Variants in GUCY1A2 observed in about 807,000 individuals in gnomAD.
The protein encoded by GUCY1A2 is guanylate cyclase soluble subunit alpha-2.
In GUCY1A2, 27 loss-of-function variants were observed where a neutral mutation model predicts 63.5. That is an observed-to-expected ratio of 0.43 (90% CI 0.31 to 0.59). The LOEUF (loss-of-function observed/expected upper bound fraction) is 0.59. Ranked by LOEUF, GUCY1A2 falls within the 20% of genes least tolerant of loss-of-function variation. The pLI is 0.11. For missense variants in GUCY1A2, 768 were observed against 913.3 expected, an observed-to-expected ratio of 0.84 and a Z score of 2.05; for synonymous variants, 364 against 343.5, an observed-to-expected ratio of 1.06 and a Z score of -0.66.
In GUCY1A2 at chr11:106,932,676, CA is replaced by C. The variant is rs1591332733; in HGVS notation, c.1206+6783del. ...CCCAAATAACCAAAGCAATCCTAAG[CA>C]AAAAGAACAAAGCCAGAGGCATCAC... On this transcript the variant is annotated intron_variant, in intron 4 of 7. Coordinates refer to ENST00000526355, the MANE Select transcript of GUCY1A2 (RefSeq NM_000855.3). Among the ~76,000 whole-genome samples, 6 of 152,160 alleles carry C rather than the reference CA, an allele frequency of 3.9e-5. No homozygotes were observed. The East Asian group carries it at 1.2e-3, about 29-fold the overall frequency.
chr11:106,787,427 G>A (rs1284335471), intron 5 of GUCY1A2, among the ~76,000 whole-genome samples: 2 of 92,428 alleles, frequency 2.2e-5, no homozygotes, highest in Non-Finnish European at 4.6e-5. Context: ...TTTTTTTTTT[G>A]CTTGAAAACT....
chr11:107,013,803 C>G (rs2120217945), intron 1 of GUCY1A2, among the ~76,000 whole-genome samples: 1 of 152,258 alleles, frequency 6.6e-6, no homozygotes, highest in South Asian at 2.1e-4. Flanking sequence ...AAAACTTCCC[C>G]TAGATTTCGC....
chr11:106,800,151 T>C (rs1041430974), intron 5 of GUCY1A2, among the ~76,000 whole-genome samples: 2 of 152,226 alleles, frequency 1.3e-5, no homozygotes, highest in East Asian at 1.9e-4. Flanking sequence ...TTATCATCAC[T>C]GGCCATCAGA....
intron 6 of GUCY1A2, among the ~76,000 whole-genome samples, chr11:106,767,867 CTTAAAACAAAT>C (rs1438086633): frequency 6.6e-6 from 1 of 152,024 alleles, no homozygotes; most frequent in African/African-American, 2.4e-5. Flanking sequence ...TAATTCTATG[CTTAAAACAAAT>C]GTGCTCAATA....
chr11:106,948,036 G>T (rs902012347), intron 3 of GUCY1A2, among the ~76,000 whole-genome samples: 3 of 152,094 alleles, frequency 2.0e-5, no homozygotes, highest in Non-Finnish European at 2.9e-5. Flanking sequence ...CATGCAACTT[G>T]CTGTGAACAA....
intron 4 of GUCY1A2, among the ~76,000 whole-genome samples, chr11:106,853,462 T>A (rs2135452062): frequency 6.6e-6 from 1 of 152,202 alleles, no homozygotes; most frequent in Non-Finnish European, 1.5e-5. Flanking sequence ...ATTGTATTTT[T>A]AAAAATTCAT....
intron 1 of GUCY1A2, among the ~76,000 whole-genome samples, chr11:107,007,549 A>G (rs12269842): frequency 0.056 from 8,474 of 152,192 alleles, 707 homozygotes; most frequent in African/African-American, 0.19. Context: ...ATTGCTTTAT[A>G]CCTCTGCATG....
chr11:106,704,348 C>T (rs1410504603), intron 7 of GUCY1A2, among the ~76,000 whole-genome samples: 1 of 152,140 alleles, frequency 6.6e-6, no homozygotes, highest in East Asian at 1.9e-4. Context: ...AACATGTACC[C>T]ATTTTAGAGA....
Position 106,685,616 on chromosome 11 carries a change from T to A in GUCY1A2, c.*1933A>T. ...TTGTTCCCTCCCCATGCTCCAGTGC[T>A]ACAAGGAGCCCATCAACATTGCTAA... On this transcript the variant is annotated 3_prime_UTR_variant, in exon 8 of 8. Coordinates refer to ENST00000526355, the MANE Select transcript of GUCY1A2 (RefSeq NM_000855.3). The A allele has an allele frequency of 4.4e-6, 1 of 228,276 alleles. No homozygotes were observed. Among genetic ancestry groups the A allele is most frequent in the East Asian group, 6.2e-5 (1 of 16,032 alleles). 14.1% of individuals were successfully genotyped at this position (228,276 alleles called of 1,614,324 possible).
At chr11:106,945,998 C>T (rs1029687187) in intron 3 of GUCY1A2, among the ~76,000 whole-genome samples, 13 of 151,982 alleles carry the variant, frequency 8.6e-5, no homozygotes, top group African/African-American at 2.4e-4. Context: ...AAAAAAGCTA[C>T]TGATACATAG....
intron 4 of GUCY1A2, among the ~76,000 whole-genome samples, chr11:106,902,564 T>A (rs950395623): frequency 1.3e-5 from 2 of 152,222 alleles, no homozygotes; most frequent in African/African-American, 4.8e-5. Flanking sequence ...TCATTAATTA[T>A]CTTAGCTAGA....
At position 106,853,215 on chromosome 11, in the gene GUCY1A2, A is replaced by G. The variant is rs75001627; in HGVS notation, c.1207-42737T>C. 9.7e-4 allele frequency among the ~76,000 whole-genome samples: 148 copies of G among 152,286 alleles called. 1 individual carries two copies. In the East Asian group the frequency reaches 0.025, roughly 26 times the overall value. On this transcript the variant is annotated intron_variant, in intron 4 of 7. Transcript: ENST00000526355. The stretch of plus-strand genomic sequence containing the variant: ...TTGGGAAATTTTCAGTTATTATTTC[A>G]TTAAATAGGTTTTCTATAGCTTTGC...
Position 106,678,999 on chromosome 11 carries a change from G to A in GUCY1A2, c.*8550C>T, listed in dbSNP as rs867120384. ...AAGGAACCTAGAAACAACATTAATT[G>A]AATCTCTCATTGCTGAAGAAGTTGA... On this transcript the variant is annotated 3_prime_UTR_variant, in exon 8 of 8. Coordinates refer to ENST00000526355, the MANE Select transcript of GUCY1A2 (RefSeq NM_000855.3). 5.3e-6 allele frequency: 1 copy of A among 189,162 alleles called. No individual in the cohort carries two copies. Among genetic ancestry groups the A allele is most frequent in the South Asian group, 1.9e-4 (1 of 5,180 alleles). 11.7% of individuals were successfully genotyped at this position (189,162 alleles called of 1,614,324 possible). A position where few individuals can be genotyped will look rare whatever the true frequency, so the allele number is the denominator to read the frequency against.
At chr11:106,834,112 A>G (rs529803338) in intron 4 of GUCY1A2, among the ~76,000 whole-genome samples, 2 of 152,146 alleles carry the variant, frequency 1.3e-5, no homozygotes, top group South Asian at 2.1e-4. Context: ...TTTCAAATAT[A>G]TAGTACATTA....
Position 106,683,433 on chromosome 11 carries a change from T to TTC in GUCY1A2, c.*4115_*4116insGA, listed in dbSNP as rs1862464964. ...AAGTGCTTGGAGTCAGACTGTGTTT[T>TTC]GAAGAAAGAGCAGAGGGTGAAGCTG... On this transcript the variant is annotated 3_prime_UTR_variant, in exon 8 of 8. Coordinates refer to ENST00000526355, the MANE Select transcript of GUCY1A2 (RefSeq NM_000855.3). 2 of 225,944 alleles carry TTC rather than the reference T, an allele frequency of 8.9e-6. No individual in the cohort carries two copies. Among genetic ancestry groups the TTC allele is most frequent in the South Asian group, 3.6e-4 (2 of 5,486 alleles). The allele number at this position is 225,944 out of a possible 1,614,324, so 14.0% of individuals were successfully genotyped here. A position where few individuals can be genotyped will look rare whatever the true frequency, so the allele number is the denominator to read the frequency against.
intron 6 of GUCY1A2, among the ~76,000 whole-genome samples, chr11:106,766,990 G>A (rs1005497562): frequency 1.3e-5 from 2 of 151,984 alleles, no homozygotes; most frequent in Non-Finnish European, 2.9e-5. Context: ...AAAAACACGA[G>A]CTTCCTAACT....
chr11:106,985,005 T>C (rs990463646), intron 2 of GUCY1A2, among the ~76,000 whole-genome samples: 1 of 152,170 alleles, frequency 6.6e-6, no homozygotes, highest in African/African-American at 2.4e-5. Flanking sequence ...GCACTTAAAG[T>C]ATACGGCATT....
rs1007629430 is a variant in GUCY1A2 at position 106,674,636 on chromosome 11, C to G, written c.*12913G>C. 1.1e-5 allele frequency: 2 copies of G among 186,408 alleles called. No individual in the cohort carries two copies. The highest frequency in any genetic ancestry group is 2.3e-5 in the Non-Finnish European group (2 of 88,424). The allele number at this position is 186,408 out of a possible 1,614,324, so 11.5% of individuals were successfully genotyped here. A position where few individuals can be genotyped will look rare whatever the true frequency, so the allele number is the denominator to read the frequency against. ...CCTACATATATATTAGTATATTTACCTGGTATTAGTTGATGACATTATAAT... is the reference window on the plus strand; with the variant it reads ...CCTACATATATATTAGTATATTTACGTGGTATTAGTTGATGACATTATAAT... On this transcript the variant is annotated 3_prime_UTR_variant, in exon 8 of 8. Coordinates refer to ENST00000526355, the MANE Select transcript of GUCY1A2 (RefSeq NM_000855.3).
chr11:106,872,128 C>T (rs1420064818), intron 4 of GUCY1A2, among the ~76,000 whole-genome samples: 1 of 152,056 alleles, frequency 6.6e-6, no homozygotes, highest in African/African-American at 2.4e-5. Flanking sequence ...TCTCTACAGG[C>T]AATTATGCTA....
Sources: allele counts gnomAD v4.1 joint callset (sites outside exome capture counted in the v4.1 genomes callset), GRCh38; gene constraint gnomAD v4.1.1; transcripts MANE v1.5; gene names NCBI Gene and HGNC (gene_info 2026-07-23, HGNC 2026-07-21).